Variants in GPC3 observed in about 807,000 individuals in gnomAD.
GPC3 encodes glypican-3.
GPC3 carries 3 observed loss-of-function variants against 34.4 expected under a neutral mutation model. The observed-to-expected ratio is 0.09, with a 90% CI of 0.04 to 0.23. The LOEUF (loss-of-function observed/expected upper bound fraction) is 0.23. Among genes scored for constraint, GPC3 ranks in the 10% least tolerant of loss-of-function variants. The probability of loss-of-function intolerance (pLI) is 1.00; values close to 1 mark genes in which losing one functional copy is unlikely to be tolerated. For synonymous variants in GPC3, 177 were observed against 174.0 expected (o/e 1.02, Z -0.13); for missense variants, 351 against 445.6 (o/e 0.79, Z 1.91).
intron 2 of GPC3, among the ~76,000 whole-genome samples, chrX:133,776,604 G>A (rs764225511): frequency 8.9e-6 from 1 of 111,750 alleles, no homozygotes; most frequent in African/African-American, 3.3e-5. Flanking sequence ...AGTCATTTGA[G>A]CTGGACATCT....
chrX:133,921,831 T>C (rs771572777), intron 2 of GPC3, among the ~76,000 whole-genome samples: 1 of 112,429 alleles, frequency 8.9e-6, no homozygotes, highest in East Asian at 2.8e-4. Flanking sequence ...AGTTGCCTGC[T>C]CTGTGATGTG....
At chrX:133,873,580 T>C (rs1464558684) in intron 2 of GPC3, among the ~76,000 whole-genome samples, 1 of 111,466 alleles carries the variant, frequency 9.0e-6, no homozygotes, top group African/African-American at 3.3e-5. Flanking sequence ...TGTTATCTTC[T>C]TGGGGGTGGA....
chrX:133,915,364 AG>A (rs1209817142), intron 2 of GPC3, among the ~76,000 whole-genome samples: 1 of 110,343 alleles, frequency 9.1e-6, no homozygotes, highest in Non-Finnish European at 1.9e-5. Flanking sequence ...TAGTAGAGAC[AG>A]GGTTTCACTA....
chrX:133,673,712 C>T (rs770011186), intron 5 of GPC3, among the ~76,000 whole-genome samples: 4 of 111,806 alleles, frequency 3.6e-5, no homozygotes, highest in Non-Finnish European at 5.6e-5. Context: ...GAAACCTTGC[C>T]GAACTTGAGT....
chrX:133,860,233 T>C (rs900523017), intron 2 of GPC3, among the ~76,000 whole-genome samples: 1 of 111,790 alleles, frequency 8.9e-6, no homozygotes, highest in African/African-American at 3.3e-5. Context: ...TAGCAAATAC[T>C]TTAAATCCTC....
chrX:133,614,138 A>C (rs1319531027), intron 6 of GPC3, among the ~76,000 whole-genome samples: 1 of 111,841 alleles, frequency 8.9e-6, no homozygotes, highest in Non-Finnish European at 1.9e-5. Flanking sequence ...AAGCATATCA[A>C]CATATACATA....
intron 2 of GPC3, among the ~76,000 whole-genome samples, chrX:133,860,972 T>C (rs1468404323): frequency 9.0e-6 from 1 of 110,831 alleles, no homozygotes; most frequent in Non-Finnish European, 1.9e-5. Context: ...CATGGTGATA[T>C]GTGCCTGTAG....
At chrX:133,644,681 T>C (rs754933986) in intron 6 of GPC3, among the ~76,000 whole-genome samples, 4 of 112,230 alleles carry the variant, frequency 3.6e-5, no homozygotes, top group South Asian at 3.7e-4. Context: ...ATTTTTAAAA[T>C]ATATATGTGA....
Position 133,535,893 on chromosome X carries a change from T to G in GPC3, c.*231A>C. 1 of 373,363 alleles carries G rather than the reference T, an allele frequency of 2.7e-6. No homozygotes were observed. The allele number at this position is 373,363 out of a possible 1,213,427, so 30.8% of individuals were successfully genotyped here. A position where few individuals can be genotyped will look rare whatever the true frequency, so the allele number is the denominator to read the frequency against. ...TTTGGCACAACTTGATGGTTTTTTTTCTTTCTTTGCAAAAGGACAATCTAT... is the reference window on the plus strand; with the variant it reads ...TTTGGCACAACTTGATGGTTTTTTTGCTTTCTTTGCAAAAGGACAATCTAT... On this transcript the variant is annotated 3_prime_UTR_variant, in exon 8 of 8. Transcript: ENST00000370818.
At chrX:133,749,725 A>G (rs978692614) in intron 3 of GPC3, among the ~76,000 whole-genome samples, 13 of 111,454 alleles carry the variant, frequency 1.2e-4, no homozygotes, top group Admixed American at 4.8e-4. Flanking sequence ...TCTCACCACA[A>G]CTGAACCTCA....
At chrX:133,939,230 A>G (rs1411301646) in intron 2 of GPC3, among the ~76,000 whole-genome samples, 2 of 112,243 alleles carry the variant, frequency 1.8e-5, no homozygotes, top group African/African-American at 6.5e-5. Flanking sequence ...GACAGTAGAG[A>G]AAATAACAAT....
chrX:133,836,801 G>A (rs920866865), intron 2 of GPC3, among the ~76,000 whole-genome samples: 10 of 111,496 alleles, frequency 9.0e-5, no homozygotes, highest in Non-Finnish European at 1.3e-4. Flanking sequence ...GCTTTGTCCT[G>A]TCAGCAGCAA....
intron 7 of GPC3, among the ~76,000 whole-genome samples, chrX:133,543,356 C>T (rs1385335078): frequency 8.9e-6 from 1 of 111,943 alleles, no homozygotes; most frequent in Non-Finnish European, 1.9e-5. Context: ...TGAGCTCAAG[C>T]GATCTGCCCG....
chrX:133,927,861 T>C (rs2124619336), intron 2 of GPC3, among the ~76,000 whole-genome samples: 1 of 107,090 alleles, frequency 9.3e-6, no homozygotes, highest in African/African-American at 3.4e-5. Flanking sequence ...ATGTAATAAA[T>C]ATACATATAT....
chrX:133,536,378 G>T, intron 7 of GPC3, 85 bp from the exon 8 acceptor site: 1 of 668,074 alleles, frequency 1.5e-6, no homozygotes, highest in Non-Finnish European at 2.4e-6. Flanking sequence ...CATGTGTCTG[G>T]ACCACTGGAA....
intron 7 of GPC3, among the ~76,000 whole-genome samples, chrX:133,556,814 C>G (rs1180559171): frequency 9.8e-6 from 1 of 102,406 alleles, no homozygotes; most frequent in African/African-American, 3.6e-5. Flanking sequence ...GGAGATATAC[C>G]TAATGTAAAT....
intron 2 of GPC3, among the ~76,000 whole-genome samples, chrX:133,911,749 G>A (rs758840968): frequency 9.0e-5 from 10 of 111,531 alleles, no homozygotes; most frequent in East Asian, 8.5e-4. Context: ...GTAGATTTCC[G>A]CTTTAAAAAA....
chrX:133,670,974 A>G (rs1377235483), intron 5 of GPC3: 5 of 483,737 alleles, frequency 1.0e-5, no homozygotes, highest in South Asian at 9.4e-5. Flanking sequence ...AGCCATCATG[A>G]ACGACACGGT....
intron 2 of GPC3, among the ~76,000 whole-genome samples, chrX:133,776,215 T>G (rs891677150): frequency 8.9e-6 from 1 of 112,064 alleles, no homozygotes; most frequent in Non-Finnish European, 1.9e-5. Context: ...CATTGCTATT[T>G]CTGATCAAAA....
Sources: gnomAD v4.1 joint callset for allele counts (sites outside exome capture counted in the v4.1 genomes callset) on GRCh38, gnomAD v4.1.1 for gene constraint, MANE v1.5 for transcripts, NCBI Gene and HGNC (gene_info 2026-07-23, HGNC 2026-07-21) for gene names.